Variants in EYS observed in about 807,000 individuals in gnomAD.
The protein encoded by EYS is EGF-like photoreceptor maintenance factor.
In EYS, 250 loss-of-function variants were observed where a neutral mutation model predicts 282.1. That is an observed-to-expected ratio of 0.89 (90% CI 0.80 to 0.98). The LOEUF is 0.98. EYS is among the 50% of genes least tolerant of loss of function. The pLI is 0.00. For synonymous variants in EYS, 1,355 were observed against 1,282.9 expected (o/e 1.06, Z -1.20); for missense variants, 4,016 against 3,709.0 (o/e 1.08, Z -2.15).
intron 36 of EYS, among the ~76,000 whole-genome samples, chr6:63,857,947 G>C (rs1322712091): frequency 6.6e-6 from 1 of 152,124 alleles, no homozygotes; most frequent in Non-Finnish European, 1.5e-5. Flanking sequence ...CCATTGGCTA[G>C]ATATGTGATA....
At chr6:63,728,621 C>T (rs974284071) in intron 41 of EYS, among the ~76,000 whole-genome samples, 2 of 152,144 alleles carry the variant, frequency 1.3e-5, no homozygotes, top group Non-Finnish European at 2.9e-5. Flanking sequence ...TCACTCTTCA[C>T]GTACATTCTA....
intron 35 of EYS, among the ~76,000 whole-genome samples, chr6:63,961,854 A>G (rs951927563): frequency 2.0e-5 from 3 of 152,152 alleles, no homozygotes; most frequent in Non-Finnish European, 2.9e-5. Context: ...CCAATCTTCA[A>G]TGTTTCTTCA....
intron 36 of EYS, among the ~76,000 whole-genome samples, chr6:63,849,617 G>A (rs1249923928): frequency 3.3e-5 from 5 of 152,128 alleles, no homozygotes; most frequent in African/African-American, 4.8e-5. Context: ...CAAACAGAAA[G>A]CAAGAACATC....
In EYS at chr6:63,749,077, G is replaced by T. The variant is rs188441947; in HGVS notation, c.8071+13384C>A. Among the ~76,000 whole-genome samples the T allele has an allele frequency of 1.8e-3, 276 of 152,160 alleles. 1 individual carries two copies. The highest frequency in any genetic ancestry group is 3.3e-3 in the Non-Finnish European group (227 of 68,002). ...CTAGTTCTTTTAGTTGTGATGTTAG[G>T]TTGTTAAATTGCTATCTTTCTAACT... is the stretch of plus-strand genomic sequence containing the variant. On this transcript the variant is annotated intron_variant, in intron 41 of 42. Transcript: ENST00000503581.
chr6:64,950,814 T>TATAC (rs1554220929), intron 14 of EYS, among the ~76,000 whole-genome samples: 1 of 110,452 alleles, frequency 9.1e-6, no homozygotes, highest in Non-Finnish European at 2.0e-5. Flanking sequence ...TATATATATA[T>TATAC]ATATATATAT....
At chr6:65,317,618 G>T (rs1405318079) in intron 11 of EYS, among the ~76,000 whole-genome samples, 1 of 152,096 alleles carries the variant, frequency 6.6e-6, no homozygotes, top group East Asian at 1.9e-4. Context: ...CAGCTTGGCT[G>T]GTTCAACATC....
chr6:64,766,304 C>G (rs889552492), intron 22 of EYS, among the ~76,000 whole-genome samples: 2 of 151,196 alleles, frequency 1.3e-5, no homozygotes, highest in Non-Finnish European at 2.9e-5. Context: ...CTCCTTTATT[C>G]TTTCTTTCTC....
At chr6:64,130,397 G>T (rs142869967) in intron 31 of EYS, among the ~76,000 whole-genome samples, 5 of 152,200 alleles carry the variant, frequency 3.3e-5, no homozygotes, top group East Asian at 3.9e-4. Context: ...ACCAAATGCC[G>T]CATGTTCTCA....
intron 2 of EYS, among the ~76,000 whole-genome samples, chr6:65,504,856 T>A (rs994420135): frequency 6.6e-6 from 1 of 151,814 alleles, no homozygotes; most frequent in Non-Finnish European, 1.5e-5. Context: ...TGAGAGTTAT[T>A]AGTCTATAGT....
At chr6:65,438,576 G>T (rs1229218224) in intron 5 of EYS, among the ~76,000 whole-genome samples, 1 of 152,118 alleles carries the variant, frequency 6.6e-6, no homozygotes, top group Admixed American at 6.5e-5. Flanking sequence ...CTATCTCATT[G>T]TGGTTTTGAT....
chr6:65,002,813 T>G (rs1476169832), intron 13 of EYS, among the ~76,000 whole-genome samples: 1 of 147,592 alleles, frequency 6.8e-6, no homozygotes, highest in Non-Finnish European at 1.5e-5. Context: ...ATTAATACTT[T>G]TATAATTTCT....
At chr6:64,741,150 T>C (rs1462991811) in intron 22 of EYS, among the ~76,000 whole-genome samples, 1 of 152,160 alleles carries the variant, frequency 6.6e-6, no homozygotes, top group African/African-American at 2.4e-5. Flanking sequence ...TAATAATACT[T>C]GAAAGTCAAA....
intron 26 of EYS, among the ~76,000 whole-genome samples, chr6:64,541,260 C>T (rs1216637208): frequency 6.6e-6 from 1 of 152,178 alleles, no homozygotes; most frequent in African/African-American, 2.4e-5. Context: ...GTTTTCATGG[C>T]ACCTGTACTC....
intron 11 of EYS, among the ~76,000 whole-genome samples, chr6:65,302,248 T>C (rs1389774198): frequency 6.6e-6 from 1 of 152,196 alleles, no homozygotes; most frequent in Non-Finnish European, 1.5e-5. Context: ...TTCTTGGCAA[T>C]GTGAGGAGGA....
chr6:65,634,646 C>G (rs1344709306), intron 2 of EYS, among the ~76,000 whole-genome samples: 2 of 152,170 alleles, frequency 1.3e-5, no homozygotes. Flanking sequence ...GAAGATTTCC[C>G]CATTCCAGTT....
intron 26 of EYS, among the ~76,000 whole-genome samples, chr6:64,529,086 T>G (rs1223434331): frequency 6.6e-6 from 1 of 152,024 alleles, no homozygotes; most frequent in Non-Finnish European, 1.5e-5. Flanking sequence ...ACAGAACCAG[T>G]GTTCCCTAGG....
chr6:65,239,167 A>G (rs899073120), intron 12 of EYS, among the ~76,000 whole-genome samples: 1 of 152,054 alleles, frequency 6.6e-6, no homozygotes, highest in African/African-American at 2.4e-5. Flanking sequence ...ACACAGGCCA[A>G]AACAAGACAT....
chr6:64,770,345 G>A (rs1773488903), intron 22 of EYS, among the ~76,000 whole-genome samples: 1 of 151,784 alleles, frequency 6.6e-6, no homozygotes, highest in African/African-American at 2.4e-5. Context: ...TTTGTTTTTT[G>A]TCCGCTGATA....
chr6:65,294,973 C>A (rs373411276), intron 12 of EYS, among the ~76,000 whole-genome samples: 11 of 151,858 alleles, frequency 7.2e-5, no homozygotes, highest in African/African-American at 2.4e-4. Flanking sequence ...TACATTTATT[C>A]CAATGATATC....
Sources: allele counts gnomAD v4.1 joint callset (sites outside exome capture counted in the v4.1 genomes callset), GRCh38; gene constraint gnomAD v4.1.1; transcripts MANE v1.5; gene names NCBI Gene and HGNC (gene_info 2026-07-23, HGNC 2026-07-21).